The following GRID1 variants were observed in gnomAD, a reference collection of about 807,000 sequenced individuals.
GRID1 encodes glutamate receptor ionotropic, delta-1.
GRID1 carries 28 observed loss-of-function variants against 98.0 expected under a neutral mutation model. That is an observed-to-expected ratio of 0.29 (90% CI 0.21 to 0.39). The LOEUF is 0.39. GRID1 is among the 10% of genes least tolerant of loss of function. GRID1 has a pLI of 1.00. For missense variants in GRID1, 1,111 were observed against 1,340.5 expected, an observed-to-expected ratio of 0.83 and a Z score of 2.67; for synonymous variants, 553 against 538.5, an observed-to-expected ratio of 1.03 and a Z score of -0.37.
intron 8 of GRID1, among the ~76,000 whole-genome samples, chr10:85,852,357 GCATT>G (rs975828988): frequency 6.6e-6 from 1 of 152,160 alleles, no homozygotes; most frequent in African/African-American, 2.4e-5. Context: ...TTTTTGAGGC[GCATT>G]GCCTTGGCAA....
At chr10:85,691,316 C>A (rs933817325) in intron 12 of GRID1, among the ~76,000 whole-genome samples, 1 of 152,190 alleles carries the variant, frequency 6.6e-6, no homozygotes, top group Non-Finnish European at 1.5e-5. Flanking sequence ...GCATTTTTCA[C>A]CAATTGAAGT....
intron 4 of GRID1, among the ~76,000 whole-genome samples, chr10:86,054,886 G>C (rs933062460): frequency 7.2e-5 from 11 of 152,176 alleles, no homozygotes; most frequent in African/African-American, 2.7e-4. Flanking sequence ...GGCAGATATT[G>C]TGACTTTCTT....
chr10:85,795,642 G>T (rs1399276160), intron 8 of GRID1, among the ~76,000 whole-genome samples: 1 of 152,204 alleles, frequency 6.6e-6, no homozygotes, highest in African/African-American at 2.4e-5. Context: ...GAAACAGGAA[G>T]ACAGAAAACA....
At chr10:85,777,306 G>A (rs1105060) in intron 8 of GRID1, among the ~76,000 whole-genome samples, 6,234 of 152,270 alleles carry the variant, frequency 0.041, 190 homozygotes, top group African/African-American at 0.08. Context: ...AATATTTCCA[G>A]AAGAGCTTTG....
chr10:85,912,053 T>C (rs1841546457), intron 5 of GRID1, among the ~76,000 whole-genome samples: 1 of 152,246 alleles, frequency 6.6e-6, no homozygotes, highest in Non-Finnish European at 1.5e-5. Flanking sequence ...CAATTTGCTC[T>C]ACACTATGTA....
At chr10:86,253,746 T>A (rs530743328) in intron 2 of GRID1, among the ~76,000 whole-genome samples, 9 of 152,306 alleles carry the variant, frequency 5.9e-5, no homozygotes, top group African/African-American at 2.2e-4. Flanking sequence ...AATAGGCCAA[T>A]GTCCGTGTTA....
At chr10:86,101,476 C>T (rs112943494) in intron 4 of GRID1, among the ~76,000 whole-genome samples, 301 of 152,192 alleles carry the variant, frequency 2.0e-3, no homozygotes, top group African/African-American at 6.8e-3. Flanking sequence ...GAGTTTTCTG[C>T]CCCTATAGTT....
intron 3 of GRID1, among the ~76,000 whole-genome samples, chr10:86,140,562 A>G (rs1054019694): frequency 2.6e-5 from 4 of 152,202 alleles, no homozygotes; most frequent in Non-Finnish European, 5.9e-5. Context: ...TGGGGAACCA[A>G]GCAGCGCGAG....
At chr10:85,910,498 A>T (rs1841522441) in intron 5 of GRID1, among the ~76,000 whole-genome samples, 1 of 152,240 alleles carries the variant, frequency 6.6e-6, no homozygotes. Context: ...CTCTAAGGGC[A>T]AGGACTGATC....
chr10:86,112,761 C>T (rs763771088), intron 4 of GRID1, among the ~76,000 whole-genome samples: 28 of 152,110 alleles, frequency 1.8e-4, no homozygotes, highest in Non-Finnish European at 3.1e-4. Context: ...TGTTTTCTAA[C>T]GATACATCAT....
chr10:85,655,287 A>T (rs1398618221), intron 12 of GRID1, among the ~76,000 whole-genome samples: 2 of 152,108 alleles, frequency 1.3e-5, no homozygotes, highest in African/African-American at 4.8e-5. Flanking sequence ...GAGTGGATCC[A>T]TGCCCACTGG....
At chr10:85,707,245 T>A (rs1437953684) in intron 12 of GRID1, among the ~76,000 whole-genome samples, 1 of 151,902 alleles carries the variant, frequency 6.6e-6, no homozygotes, top group Non-Finnish European at 1.5e-5. Context: ...GAATCTACTA[T>A]GAACTCAAAC....
intron 5 of GRID1, among the ~76,000 whole-genome samples, chr10:85,886,876 A>G (rs950050404): frequency 1.2e-4 from 18 of 152,264 alleles, no homozygotes; most frequent in Admixed American, 6.5e-4. Flanking sequence ...AAACATTTAT[A>G]TAAATCTCTA....
At chr10:85,660,357 T>C (rs1441445737) in intron 12 of GRID1, among the ~76,000 whole-genome samples, 2 of 152,186 alleles carry the variant, frequency 1.3e-5, no homozygotes, top group Non-Finnish European at 2.9e-5. Context: ...ACAGTGTTTG[T>C]CCAATGGGAG....
chr10:85,966,594 A>T lies in GRID1; in HGVS notation c.727-50355T>A, dbSNP rs181602240. ...TTTGGGAGGCTGAGGTGGGTGGATCACCTGAGGTCAGGAGTTTGAGACCAG... is the reference window on the plus strand; with the variant it reads ...TTTGGGAGGCTGAGGTGGGTGGATCTCCTGAGGTCAGGAGTTTGAGACCAG... On this transcript the variant is annotated intron_variant, in intron 4 of 15. Transcript: ENST00000327946. Among the ~76,000 whole-genome samples the T allele has an allele frequency of 2.2e-4, 33 of 152,260 alleles. 1 individual carries two copies. Among genetic ancestry groups the T allele is most frequent in the African/African-American group, 6.7e-4 (28 of 41,568 alleles).
chr10:86,304,473 T>G (rs1239615273), intron 2 of GRID1, among the ~76,000 whole-genome samples: 2 of 152,206 alleles, frequency 1.3e-5, no homozygotes, highest in Non-Finnish European at 2.9e-5. Flanking sequence ...CCTGGACCTC[T>G]GAGCAGGACC....
intron 3 of GRID1, among the ~76,000 whole-genome samples, chr10:86,155,716 C>T (rs2131983022): frequency 6.6e-6 from 1 of 152,294 alleles, no homozygotes; most frequent in South Asian, 2.1e-4. Context: ...TACATCAGCC[C>T]TAAACGAGGG....
intron 8 of GRID1, among the ~76,000 whole-genome samples, chr10:85,841,352 T>C (rs869293344): frequency 6.6e-6 from 1 of 152,168 alleles, no homozygotes; most frequent in Non-Finnish European, 1.5e-5. Context: ...ATTAAAAATT[T>C]ATATGTAAAG....
At chr10:86,326,538 C>T (rs1204167554) in intron 2 of GRID1, among the ~76,000 whole-genome samples, 2 of 152,240 alleles carry the variant, frequency 1.3e-5, no homozygotes, top group South Asian at 2.1e-4. Flanking sequence ...TAGAAGGCAG[C>T]TCAAATCGTC....
Sources: gnomAD v4.1 joint callset for allele counts (sites outside exome capture counted in the v4.1 genomes callset) on GRCh38, gnomAD v4.1.1 for gene constraint, MANE v1.5 for transcripts, NCBI Gene and HGNC (gene_info 2026-07-23, HGNC 2026-07-21) for gene names.